The following CSMD1 variants were observed in gnomAD, a reference collection of about 807,000 sequenced individuals.
CSMD1 encodes the protein CUB and Sushi multiple domains 1, also known as CUB and sushi domain-containing protein 1.
Under a neutral mutation model 417.5 loss-of-function variants are expected in CSMD1, and 213 were observed. That is an observed-to-expected ratio of 0.51 (90% confidence interval 0.46 to 0.57). CSMD1 has a LOEUF of 0.57. CSMD1 is among the 20% of genes least tolerant of loss of function. The pLI, the probability that CSMD1 is intolerant of heterozygous loss-of-function variation, is 0.00. For synonymous variants in CSMD1, 2,862 were observed against 1,736.8 expected (o/e 1.65, Z -16.11); for missense variants, 6,923 against 4,529.7 (o/e 1.53, Z -15.17).
Position 4,004,766 on chromosome 8 carries a change from A to AT in CSMD1, c.611-6657dup, listed in dbSNP as rs754694175. 5.6e-3 allele frequency among the ~76,000 whole-genome samples: 859 copies of AT among 152,060 alleles called. 3 individuals are homozygous for AT. Among genetic ancestry groups the AT allele is most frequent in the Middle Eastern group, 0.017 (5 of 294 alleles). On this transcript the variant is annotated intron_variant, in intron 4 of 69. Coordinates refer to ENST00000635120, the MANE Select transcript of CSMD1 (RefSeq NM_033225.6). ...TTTTTTGTTTTGTTTTGTTTTTGAG[A>AT]TGGCGTCTCACTCTGTTGCCCAGGC...
At chr8:4,224,847 C>T (rs747400027) in intron 3 of CSMD1, among the ~76,000 whole-genome samples, 14 of 152,310 alleles carry the variant, frequency 9.2e-5, no homozygotes, top group South Asian at 2.1e-4. Context: ...CTGTGGCTCA[C>T]GCCTGTCATC....
chr8:4,424,655 G>C (rs556871477), intron 2 of CSMD1, among the ~76,000 whole-genome samples: 16 of 152,192 alleles, frequency 1.1e-4, no homozygotes, highest in Admixed American at 6.5e-4. Flanking sequence ...TTCCGAAGAA[G>C]TTTGACATTT....
chr8:4,590,844 T>C (rs1224327963), intron 2 of CSMD1, among the ~76,000 whole-genome samples: 5 of 152,218 alleles, frequency 3.3e-5, no homozygotes, highest in African/African-American at 1.2e-4. Flanking sequence ...TGGGACATAA[T>C]TTGAGCTTCT....
chr8:3,372,290 C>T (rs11985163), intron 18 of CSMD1, among the ~76,000 whole-genome samples: 23,123 of 151,968 alleles, frequency 0.15, 1,792 homozygotes, highest in Middle Eastern at 0.22. Flanking sequence ...GCTGCAGGGA[C>T]AGGGAACAGA....
chr8:3,728,653 C>T (rs1802635824), intron 6 of CSMD1, among the ~76,000 whole-genome samples: 1 of 151,746 alleles, frequency 6.6e-6, no homozygotes, highest in Non-Finnish European at 1.5e-5. Context: ...GTGTGGGGAG[C>T]ACAGATGGAA....
chr8:4,880,724 G>A (rs936534278), intron 1 of CSMD1, among the ~76,000 whole-genome samples: 1 of 151,946 alleles, frequency 6.6e-6, no homozygotes, highest in African/African-American at 2.4e-5. Context: ...AATATCCCAC[G>A]TGTCCATGAT....
At chr8:4,133,657 G>C (rs1316880081) in intron 3 of CSMD1, among the ~76,000 whole-genome samples, 2 of 152,124 alleles carry the variant, frequency 1.3e-5, no homozygotes, top group East Asian at 1.9e-4. Flanking sequence ...AAATCTCCAT[G>C]TAAGTGTAGG....
intron 3 of CSMD1, among the ~76,000 whole-genome samples, chr8:4,036,630 C>A (rs946844683): frequency 5.3e-5 from 8 of 152,134 alleles, no homozygotes; most frequent in African/African-American, 1.9e-4. Flanking sequence ...CAGCGGATGT[C>A]AAAGAAAAAA....
At chr8:4,250,155 C>T (rs182614305) in intron 3 of CSMD1, among the ~76,000 whole-genome samples, 353 of 152,250 alleles carry the variant, frequency 2.3e-3, no homozygotes, top group Non-Finnish European at 3.1e-3. Flanking sequence ...AGCTTCTCAG[C>T]CTCTAGAACT....
chr8:4,128,715 T>C (rs932818590), intron 3 of CSMD1, among the ~76,000 whole-genome samples: 3 of 152,118 alleles, frequency 2.0e-5, no homozygotes, highest in Admixed American at 6.5e-5. Flanking sequence ...TGTCCACTCA[T>C]CCTTGCTGGA....
chr8:3,913,090 G>C (rs887499894), intron 5 of CSMD1, among the ~76,000 whole-genome samples: 5 of 152,154 alleles, frequency 3.3e-5, no homozygotes, highest in African/African-American at 1.2e-4. Flanking sequence ...CTTTTGGATG[G>C]TGTGTGTCTG....
chr8:4,616,281 C>T (rs537795289), intron 2 of CSMD1, among the ~76,000 whole-genome samples: 44 of 152,274 alleles, frequency 2.9e-4, no homozygotes, highest in African/African-American at 8.7e-4. Context: ...CAAGTCTACA[C>T]TGGAATTCCA....
chr8:4,649,912 T>C (rs1352608610), intron 1 of CSMD1, among the ~76,000 whole-genome samples: 2 of 152,222 alleles, frequency 1.3e-5, no homozygotes, highest in African/African-American at 4.8e-5. Flanking sequence ...GGGCACCATG[T>C]GTTGATGCAC....
chr8:4,374,115 C>T (rs1159004699), intron 3 of CSMD1, among the ~76,000 whole-genome samples: 1 of 152,084 alleles, frequency 6.6e-6, no homozygotes, highest in African/African-American at 2.4e-5. Flanking sequence ...TTCACACCTG[C>T]CATTTTATTG....
At position 4,128,615 on chromosome 8, in the gene CSMD1, C is replaced by T. The variant is rs550532214; in HGVS notation, c.416-96516G>A. The stretch of plus-strand genomic sequence containing the variant: ...AAAGACCATTGTTACAAAGCCCATG[C>T]TTGCTTTTTCCTCTTGAAGCTTTAG... On this transcript the variant is annotated intron_variant, in intron 3 of 69. Coordinates refer to ENST00000635120, the MANE Select transcript of CSMD1 (RefSeq NM_033225.6). Among the ~76,000 whole-genome samples the T allele has an allele frequency of 2.4e-4, 36 of 152,260 alleles. No homozygotes were observed. In the South Asian group the frequency reaches 7.3e-3, roughly 31 times the overall value.
chr8:4,110,256 G>A (rs375473159), intron 3 of CSMD1, among the ~76,000 whole-genome samples: 2 of 152,206 alleles, frequency 1.3e-5, no homozygotes, highest in Middle Eastern at 3.4e-3. Context: ...GCTTGGCAAC[G>A]AAACAAGTCA....
At chr8:3,877,523 C>T (rs1425745638) in intron 5 of CSMD1, among the ~76,000 whole-genome samples, 1 of 152,128 alleles carries the variant, frequency 6.6e-6, no homozygotes, top group Non-Finnish European at 1.5e-5. Flanking sequence ...TACCCTCAAG[C>T]TTCGATGTTC....
At chr8:4,188,062 T>C (rs1211929870) in intron 3 of CSMD1, among the ~76,000 whole-genome samples, 1 of 152,076 alleles carries the variant, frequency 6.6e-6, no homozygotes, top group Non-Finnish European at 1.5e-5. Flanking sequence ...TCATAGGTGA[T>C]TTAAAACAAA....
chr8:3,860,619 ATTAG>A (rs1804636486), intron 5 of CSMD1, among the ~76,000 whole-genome samples: 1 of 152,152 alleles, frequency 6.6e-6, no homozygotes, highest in Non-Finnish European at 1.5e-5. Flanking sequence ...AAGAGACACT[ATTAG>A]TTACAGTCCA....
Sources: gnomAD v4.1 joint callset for allele counts (sites outside exome capture counted in the v4.1 genomes callset) on GRCh38, gnomAD v4.1.1 for gene constraint, MANE v1.5 for transcripts, NCBI Gene and HGNC (gene_info 2026-07-23, HGNC 2026-07-21) for gene names.